ALCAM: variants seen among roughly 807,000 people sequenced by gnomAD.
ALCAM encodes the protein CD166 antigen.
Under a neutral mutation model 70.9 loss-of-function variants are expected in ALCAM, and 30 were observed. That is an observed-to-expected ratio of 0.42 (90% CI 0.32 to 0.57). The LOEUF (loss-of-function observed/expected upper bound fraction) is 0.57, where lower values mean the gene tolerates loss of function less well. ALCAM is among the 20% of genes least tolerant of loss of function. ALCAM has a pLI of 0.11. For synonymous variants in ALCAM, 249 were observed against 242.5 expected (o/e 1.03, Z -0.25); for missense variants, 591 against 695.1 (o/e 0.85, Z 1.68).
rs1368109582 is a variant in ALCAM at position 105,389,371 on chromosome 3, G to T, written c.73+21890G>T. Among the ~76,000 whole-genome samples, 166 of 58,136 alleles carry T rather than the reference G, an allele frequency of 2.9e-3. 1 individual carries two copies. The highest frequency in any genetic ancestry group is 9.3e-3 in the South Asian group (9 of 966). 38.1% of individuals were successfully genotyped at this position (58,136 alleles called of 152,430 possible). Reference sequence around the variant, plus strand: ...CTACTTGTATGCTCATATATACATAGTTTTTTTTTTTTTTTTTTTTTTTTT... The same window carrying T: ...CTACTTGTATGCTCATATATACATATTTTTTTTTTTTTTTTTTTTTTTTTT... On this transcript the variant is annotated intron_variant, in intron 1 of 15. Coordinates refer to ENST00000306107, the MANE Select transcript of ALCAM (RefSeq NM_001627.4).
chr3:105,501,099 A>G (rs918158448), intron 1 of ALCAM, among the ~76,000 whole-genome samples: 1 of 152,246 alleles, frequency 6.6e-6, no homozygotes, highest in Non-Finnish European at 1.5e-5. Context: ...AGGGACTATG[A>G]GACAATCACA....
intron 14 of ALCAM, chr3:105,553,141 A>T: frequency 4.2e-6 from 4 of 944,874 alleles, no homozygotes; most frequent in Non-Finnish European, 3.8e-6. Context: ...AAGTACCAAC[A>T]CTACATTAAA....
intron 1 of ALCAM, among the ~76,000 whole-genome samples, chr3:105,408,006 G>A (rs140387184): frequency 0.015 from 2,337 of 152,040 alleles, 26 homozygotes; most frequent in Middle Eastern, 0.048. Flanking sequence ...CCTAACTAAG[G>A]ACGTGAAAGA....
At chr3:105,475,333 A>C (rs1017836011) in intron 1 of ALCAM, among the ~76,000 whole-genome samples, 1 of 151,996 alleles carries the variant, frequency 6.6e-6, no homozygotes, top group Non-Finnish European at 1.5e-5. Context: ...ATGCTAGCAA[A>C]ATTTAAATGA....
chr3:105,545,944 A>G (rs577509734), intron 9 of ALCAM, among the ~76,000 whole-genome samples: 26 of 151,602 alleles, frequency 1.7e-4, no homozygotes, highest in African/African-American at 5.8e-4. Context: ...CCTGAGCTAT[A>G]GTAGAATACC....
chr3:105,415,971 G>A (rs139155753), intron 1 of ALCAM, among the ~76,000 whole-genome samples: 133 of 152,094 alleles, frequency 8.7e-4, no homozygotes, highest in East Asian at 6.6e-3. Context: ...AAGGCAACCA[G>A]GTATGACATG....
At chr3:105,453,979 A>G (rs954103029) in intron 1 of ALCAM, among the ~76,000 whole-genome samples, 2 of 152,162 alleles carry the variant, frequency 1.3e-5, no homozygotes, top group Non-Finnish European at 2.9e-5. Flanking sequence ...TTCAAATTCT[A>G]TATGTTTATT....
chr3:105,377,870 C>T (rs1347663873), intron 1 of ALCAM, among the ~76,000 whole-genome samples: 1 of 151,858 alleles, frequency 6.6e-6, no homozygotes, highest in East Asian at 1.9e-4. Flanking sequence ...AAATGGTTTC[C>T]AAATATTTGT....
intron 15 of ALCAM, among the ~76,000 whole-genome samples, chr3:105,573,951 A>G (rs559604833): frequency 1.3e-5 from 2 of 152,306 alleles, no homozygotes; most frequent in Non-Finnish European, 1.5e-5. Flanking sequence ...TTTTAAACTG[A>G]TGGGGTGAAA....
At chr3:105,499,578 C>G (rs2152615378) in intron 1 of ALCAM, among the ~76,000 whole-genome samples, 1 of 152,258 alleles carries the variant, frequency 6.6e-6, no homozygotes, top group South Asian at 2.1e-4. Context: ...AAACTGTATT[C>G]TATAAATCAG....
At chr3:105,461,552 T>C (rs1376646340) in intron 1 of ALCAM, among the ~76,000 whole-genome samples, 9 of 151,838 alleles carry the variant, frequency 5.9e-5, no homozygotes, top group Non-Finnish European at 1.5e-5. Flanking sequence ...AGATCAATGT[T>C]GGTTGAGGTT....
At chr3:105,525,270 C>G in intron 3 of ALCAM, 1 of 984,248 alleles carries the variant, frequency 1.0e-6, no homozygotes, top group South Asian at 4.7e-5. Flanking sequence ...ATTATAGTCA[C>G]TATGACAAAA....
rs1002719369 is a variant in ALCAM, at chr3:105,402,101, G to A, written c.73+34620G>A. Among the ~76,000 whole-genome samples the A allele has an allele frequency of 7.9e-5, 12 of 152,188 alleles. No homozygotes were observed. The South Asian group carries it at 2.3e-3, about 29-fold the overall frequency. On this transcript the variant is annotated intron_variant, in intron 1 of 15. Coordinates refer to ENST00000306107, the MANE Select transcript of ALCAM (RefSeq NM_001627.4). ...TTTACCAAACATCCCCATCATAGATGTCAAGATAAGGCTTATACAGAAAGT... is the reference window on the plus strand; with the variant it reads ...TTTACCAAACATCCCCATCATAGATATCAAGATAAGGCTTATACAGAAAGT...
chr3:105,419,032 C>G (rs1274515191), intron 1 of ALCAM, among the ~76,000 whole-genome samples: 2 of 151,620 alleles, frequency 1.3e-5, no homozygotes, highest in Non-Finnish European at 3.0e-5. Flanking sequence ...TCCTTTGCCT[C>G]CAGATACAAC....
At chr3:105,437,715 A>G (rs1170237526) in intron 1 of ALCAM, among the ~76,000 whole-genome samples, 1 of 83,546 alleles carries the variant, frequency 1.2e-5, no homozygotes, top group African/African-American at 4.3e-5. Context: ...AAATAATCTA[A>G]CGTGGAAAAT....
At chr3:105,519,614 T>G (rs1939476736) in intron 1 of ALCAM, among the ~76,000 whole-genome samples, 1 of 152,104 alleles carries the variant, frequency 6.6e-6, no homozygotes, top group Non-Finnish European at 1.5e-5. Context: ...AAGAAAAATT[T>G]GATAATATTT....
intron 1 of ALCAM, among the ~76,000 whole-genome samples, chr3:105,519,784 A>T (rs895185251): frequency 1.3e-5 from 2 of 152,176 alleles, no homozygotes; most frequent in African/African-American, 4.8e-5. Flanking sequence ...GTTCCTTTGG[A>T]ATACACCACT....
At chr3:105,449,920 A>G (rs1234030782) in intron 1 of ALCAM, among the ~76,000 whole-genome samples, 2 of 152,260 alleles carry the variant, frequency 1.3e-5, no homozygotes, top group East Asian at 1.9e-4. Context: ...CGTTTTCTAA[A>G]TGATGGATTT....
chr3:105,450,911 G>A lies in ALCAM; in HGVS notation c.74-69156G>A, dbSNP rs201221242. Among the ~76,000 whole-genome samples the A allele has an allele frequency of 1.2e-4, 18 of 152,154 alleles. No individual in the cohort carries two copies. In the South Asian group the frequency reaches 2.3e-3, roughly 19 times the overall value. ...AGAAAAAAAATACTATTTAAACTTC[G>A]TTCAGAAGAATGACGTAGAGTTTTA... On this transcript the variant is annotated intron_variant, in intron 1 of 15. Coordinates refer to ENST00000306107, the MANE Select transcript of ALCAM (RefSeq NM_001627.4).
Sources: allele counts gnomAD v4.1 joint callset (sites outside exome capture counted in the v4.1 genomes callset), GRCh38; gene constraint gnomAD v4.1.1; transcripts MANE v1.5; gene names NCBI Gene and HGNC (gene_info 2026-07-23, HGNC 2026-07-21).